FRMD5: variants seen among roughly 807,000 people sequenced by gnomAD.
The protein encoded by FRMD5 is FERM domain containing 5.
In FRMD5, 20 loss-of-function variants were observed where a neutral mutation model predicts 69.0. The ratio of observed to expected loss-of-function variants is 0.29; its 90% confidence interval spans 0.20 to 0.42. The LOEUF (loss-of-function observed/expected upper bound fraction) is 0.42, where lower values mean the gene tolerates loss of function less well. Ranked by LOEUF, FRMD5 falls within the 10% of genes least tolerant of loss-of-function variation. The pLI is 1.00. For missense variants in FRMD5, 595 were observed against 708.6 expected, an observed-to-expected ratio of 0.84 and a Z score of 1.82; for synonymous variants, 271 against 260.1, an observed-to-expected ratio of 1.04 and a Z score of -0.40.
Position 43,951,431 on chromosome 15 carries a change from A to G in FRMD5, c.103-27122T>C, listed in dbSNP as rs570618836. Among the ~76,000 whole-genome samples the G allele has an allele frequency of 1.7e-4, 26 of 151,942 alleles. No homozygotes were observed. The East Asian group carries it at 1.7e-3, about 10-fold the overall frequency. On this transcript the variant is annotated intron_variant, in intron 1 of 13. Coordinates refer to ENST00000417257, the MANE Select transcript of FRMD5 (RefSeq NM_032892.5). The stretch of plus-strand genomic sequence containing the variant: ...GGTGAGACTCCATCTCAAAAAAAAA[A>G]AAAAGAAAAGAAAATATATAATAAA...
At chr15:43,960,496 G>A (rs563979493) in intron 1 of FRMD5, among the ~76,000 whole-genome samples, 1 of 152,226 alleles carries the variant, frequency 6.6e-6, no homozygotes, top group Non-Finnish European at 1.5e-5. Context: ...TGATCTGCCC[G>A]CCTCGGCCTC....
intron 1 of FRMD5, among the ~76,000 whole-genome samples, chr15:44,105,928 T>C (rs1394895877): frequency 6.6e-6 from 1 of 152,228 alleles, no homozygotes; most frequent in Non-Finnish European, 1.5e-5. Context: ...GTCCCTTATA[T>C]AAAATAGAGT....
chr15:43,981,108 C>T (rs924305600), intron 1 of FRMD5, among the ~76,000 whole-genome samples: 17 of 152,090 alleles, frequency 1.1e-4, no homozygotes, highest in African/African-American at 3.6e-4. Context: ...CTCTGTCTCC[C>T]GGGTTCAAGT....
intron 1 of FRMD5, among the ~76,000 whole-genome samples, chr15:44,135,840 A>G (rs1354491365): frequency 6.6e-6 from 1 of 151,590 alleles, no homozygotes; most frequent in Non-Finnish European, 1.5e-5. Context: ...AAAAAAAAAA[A>G]AAACTACAAA....
At chr15:44,062,752 T>C (rs1390132371) in intron 1 of FRMD5, among the ~76,000 whole-genome samples, 1 of 151,402 alleles carries the variant, frequency 6.6e-6, no homozygotes, top group Non-Finnish European at 1.5e-5. Context: ...TACTATACCA[T>C]TTATATAAGG....
chr15:43,979,239 G>A (rs1024615522), intron 1 of FRMD5, among the ~76,000 whole-genome samples: 3 of 151,914 alleles, frequency 2.0e-5, no homozygotes, highest in Non-Finnish European at 4.4e-5. Context: ...TCAGGAGGCT[G>A]AGGCAGAACT....
chr15:44,030,206 AC>A (rs1367023481), intron 1 of FRMD5, among the ~76,000 whole-genome samples: 125 of 151,002 alleles, frequency 8.3e-4, no homozygotes, highest in Non-Finnish European at 1.0e-3. Context: ...TTTTTTTTTT[AC>A]AAAATTAATT....
At chr15:43,946,654 A>C (rs1285646545) in intron 1 of FRMD5, among the ~76,000 whole-genome samples, 1 of 152,154 alleles carries the variant, frequency 6.6e-6, no homozygotes, top group Non-Finnish European at 1.5e-5. Context: ...TCAGGAGAGA[A>C]GGTTTGGGAT....
At chr15:43,989,509 C>T in intron 1 of FRMD5, 2 of 888,304 alleles carry the variant, frequency 2.3e-6, no homozygotes, top group East Asian at 4.8e-5. Context: ...TGGCCATCTC[C>T]TGCTCGAAGT....
chr15:43,980,045 T>C (rs2090524903), intron 1 of FRMD5, among the ~76,000 whole-genome samples: 2 of 152,230 alleles, frequency 1.3e-5, no homozygotes, highest in African/African-American at 2.4e-5. Flanking sequence ...TCCATTTGAA[T>C]TCCTCCTGTT....
intron 1 of FRMD5, among the ~76,000 whole-genome samples, chr15:44,113,281 T>C (rs1422477107): frequency 6.6e-6 from 1 of 152,216 alleles, no homozygotes; most frequent in South Asian, 2.1e-4. Flanking sequence ...TCATTTCGCA[T>C]CACTAAGTCC....
rs532598881 is a variant in FRMD5 at position 44,123,493 on chromosome 15, T to C, written c.102+71460A>G. On this transcript the variant is annotated intron_variant, in intron 1 of 13. Coordinates refer to ENST00000417257, the MANE Select transcript of FRMD5 (RefSeq NM_032892.5). ...GGGTAAAGGAATCACCACTTGGGAA[T>C]TGTTGGGATAACTGACTATTAGTAC... Among the ~76,000 whole-genome samples, 14 of 152,318 alleles carry C rather than the reference T, an allele frequency of 9.2e-5. No individual in the cohort carries two copies. The South Asian group carries it at 1.9e-3, about 20-fold the overall frequency.
chr15:43,875,958 T>G (rs930033169), intron 13 of FRMD5: 115 of 1,377,346 alleles, frequency 8.3e-5, no homozygotes, highest in Middle Eastern at 6.1e-4. Context: ...AAATGCTGCT[T>G]CTTGAAATGG....
At chr15:43,970,363 A>C (rs1426231848) in intron 1 of FRMD5, among the ~76,000 whole-genome samples, 2 of 152,258 alleles carry the variant, frequency 1.3e-5, no homozygotes, top group Non-Finnish European at 1.5e-5. Context: ...AGAAGTTGAA[A>C]GCACTGCATC....
At chr15:43,968,566 T>C (rs1359528906) in intron 1 of FRMD5, among the ~76,000 whole-genome samples, 1 of 152,210 alleles carries the variant, frequency 6.6e-6, no homozygotes, top group Non-Finnish European at 1.5e-5. Flanking sequence ...GCTGGAAAGA[T>C]GACAGTCATT....
chr15:43,893,324 CAG>C (rs1309143494), intron 7 of FRMD5, among the ~76,000 whole-genome samples: 1 of 152,144 alleles, frequency 6.6e-6, no homozygotes, highest in Non-Finnish European at 1.5e-5. Context: ...CCTGAACCAA[CAG>C]AGAGGGCCTC....
intron 1 of FRMD5, among the ~76,000 whole-genome samples, chr15:44,180,920 T>C (rs1157179487): frequency 6.6e-6 from 1 of 152,210 alleles, no homozygotes; most frequent in Non-Finnish European, 1.5e-5. Context: ...GAATAAAATA[T>C]TGACATAAAA....
At chr15:44,035,138 G>A (rs1304597369) in intron 1 of FRMD5, among the ~76,000 whole-genome samples, 1 of 152,130 alleles carries the variant, frequency 6.6e-6, no homozygotes, top group African/African-American at 2.4e-5. Context: ...ACCCCAAAGA[G>A]CCTGCAATCA....
intron 1 of FRMD5, among the ~76,000 whole-genome samples, chr15:44,039,268 GC>G (rs1332239897): frequency 6.6e-6 from 1 of 152,226 alleles, no homozygotes; most frequent in African/African-American, 2.4e-5. Context: ...AAATGTCCTT[GC>G]CTGACAGCTC....
Sources: gnomAD v4.1 joint callset for allele counts (sites outside exome capture counted in the v4.1 genomes callset) on GRCh38, gnomAD v4.1.1 for gene constraint, MANE v1.5 for transcripts, NCBI Gene and HGNC (gene_info 2026-07-23, HGNC 2026-07-21) for gene names.